Variants in SLC34A3 observed in about 807,000 individuals in gnomAD.
SLC34A3 encodes the protein sodium-dependent phosphate transport protein 2C.
SLC34A3 carries 60 observed loss-of-function variants against 43.9 expected under a neutral mutation model. The ratio of observed to expected loss-of-function variants is 1.37; its 90% CI spans 1.11 to 1.70. The LOEUF (loss-of-function observed/expected upper bound fraction) is 1.70. Ranked by LOEUF, SLC34A3 falls within the 40% of genes most tolerant of loss-of-function variation. The pLI is 0.00. For synonymous variants in SLC34A3, 451 were observed against 386.2 expected, an observed-to-expected ratio of 1.17 and a Z score of -1.97; for missense variants, 969 against 823.8, an observed-to-expected ratio of 1.18 and a Z score of -2.16.
chr9:137,231,936 C>G (rs1836243213), intron 2 of SLC34A3, 136 bp from the exon 3 acceptor site: 1 of 1,122,676 alleles, frequency 8.9e-7, no homozygotes, highest in African/African-American at 1.5e-5. Flanking sequence ...CAGCTGGAGC[C>G]CCATCTTCCC....
chr9:137,233,779 T>TTGGGGGCCCCC, intron 8 of SLC34A3, 57 bp downstream of exon 8: 9 of 1,445,668 alleles, frequency 6.2e-6, no homozygotes, highest in Non-Finnish European at 7.7e-6. Context: ...TGCTGAGTCA[T>TTGGGGGCCCCC]CCCGCCCCAC....
rs1389634351 is a variant in SLC34A3 at position 137,233,939 on chromosome 9, CCT to C, written c.924_925del (p.Cys309ProfsTer283). On this transcript the variant is annotated frameshift_variant and splice_region_variant, in exon 9 of 13. Transcript: ENST00000673835. LOFTEE classifies it high-confidence loss of function. ...AGCACAGCCCCGGCGGACAGGCTGC[CCT>C]GTGAGGCCCGGCCCACCCCAAGCCC... 2 of 1,562,130 alleles carry C rather than the reference CCT, an allele frequency of 1.3e-6. No individual in the cohort carries two copies. Among genetic ancestry groups the C allele is most frequent in the Admixed American group, 1.8e-5 (1 of 55,402 alleles).
chr9:137,234,305 C>T lies in SLC34A3; in HGVS notation c.1093+29C>T. On this transcript the variant is annotated intron_variant, in intron 10 of 12. Transcript: ENST00000673835. This position sits in a 1 kb window ranked among gnomAD's most constrained non-coding sequence, Gnocchi z 6.9. ...AGGGCGTGGGAGGAGGTGCGGTGGC[C>T]AGGGCTGACCCAGCATCCCCCATAG... 1 of 1,607,354 alleles carries T rather than the reference C, an allele frequency of 6.2e-7. No homozygotes were observed.
Position 137,233,942 on chromosome 9 carries a change from G to A in SLC34A3, c.925+1G>A. On this transcript the variant is annotated splice_donor_variant, in intron 9 of 12. Coordinates refer to ENST00000673835, the MANE Select transcript of SLC34A3 (RefSeq NM_001177316.2). LOFTEE classifies it high-confidence loss of function. The stretch of plus-strand genomic sequence containing the variant: ...ACAGCCCCGGCGGACAGGCTGCCCT[G>A]TGAGGCCCGGCCCACCCCAAGCCCC... The A allele has an allele frequency of 6.4e-7, 1 of 1,558,534 alleles. No individual in the cohort carries two copies. Among genetic ancestry groups the A allele is most frequent in the Non-Finnish European group, 8.7e-7 (1 of 1,152,464 alleles).
intron 2 of SLC34A3, 99 bp downstream of exon 2, chr9:137,231,886 G>A (rs1439578148): frequency 1.6e-6 from 2 of 1,217,438 alleles, no homozygotes; most frequent in Non-Finnish European, 2.4e-6. Context: ...GCCTCCCGGG[G>A]AACCCACAGG....
Position 137,236,192 on chromosome 9 carries a change from C to T in SLC34A3, c.1576C>T (p.Leu526Phe), listed in dbSNP as rs1265168066. 16 of 1,599,726 alleles carry T rather than the reference C, an allele frequency of 1.0e-5. 1 individual carries two copies. The highest frequency in any genetic ancestry group is 6.7e-5 in the South Asian group (6 of 90,038). ...CGGGGGTCCCCTGGTGGGGCTGGTG[C>T]TCCTCGTCATCCTGGTTACTGTCCT... ...AVGGPLVGLV[L>F]LVILVTVLQR... The change falls in exon 13 of 13, where the codon CTC becomes TTC. Residue 526 changes from leucine to phenylalanine, a missense_variant. Leu to Phe is a conservative substitution (Grantham distance 22). Transcript: ENST00000673835.
chr9:137,236,101 A>G lies in SLC34A3; in HGVS notation c.1485A>G (p.Gly495=). Residue 495 remains glycine, a synonymous_variant, in exon 13 of 13, where the codon GGA becomes GGG. Transcript: ENST00000673835. ...RWVAGVYLLL[G]FLLLPLAAFG... ...TGGCTGGGGTCTACCTGCTGCTCGGATTCCTGCTGCTGCCCCTGGCGGCCT... is the reference window on the plus strand; with the variant it reads ...TGGCTGGGGTCTACCTGCTGCTCGGGTTCCTGCTGCTGCCCCTGGCGGCCT... 1.9e-6 allele frequency: 3 copies of G among 1,612,000 alleles called. No homozygotes were observed. The highest frequency in any genetic ancestry group is 2.5e-6 in the Non-Finnish European group (3 of 1,179,766).
At chr9:137,230,762 G>A (rs757327297), upstream of SLC34A3, 1 of 152,304 alleles carries the variant, frequency 6.6e-6, no homozygotes, top group African/African-American at 2.4e-5. Flanking sequence ...ACAGGATGGA[G>A]ACAAGGCCTA....
chr9:137,231,590 G>C, intron 1 of SLC34A3, 74 bp from the exon 2 acceptor site: 1 of 933,528 alleles, frequency 1.1e-6, no homozygotes, highest in Non-Finnish European at 1.7e-6. Context: ...GGGACCCAGG[G>C]GTGTGAATCC....
upstream of SLC34A3, among the ~76,000 whole-genome samples, chr9:137,230,321 C>G (rs899323198): frequency 6.6e-6 from 1 of 152,170 alleles, no homozygotes; most frequent in Non-Finnish European, 1.5e-5. Flanking sequence ...ATACCAGGGC[C>G]GAGCCCGCTA....
Position 137,233,329 on chromosome 9 carries a change from C to T in SLC34A3, c.681C>T (p.Ala227=). Residue 227 remains alanine, a synonymous_variant, in exon 7 of 13, where the codon GCC becomes GCT. Coordinates refer to ENST00000673835, the MANE Select transcript of SLC34A3 (RefSeq NM_001177316.2). ...ERLSELALGA[A]SLTPRAQAPD... ...TAAGTGAGCTAGCCCTGGGTGCCGC[C>T]AGCCTGACACCCAGGGCGCAGGCGC... 1.9e-6 allele frequency: 3 copies of T among 1,603,646 alleles called. No individual in the cohort carries two copies. The highest frequency in any genetic ancestry group is 2.6e-6 in the Non-Finnish European group (3 of 1,175,972).
chr9:137,236,430 A>C lies in SLC34A3; in HGVS notation c.*14A>C, dbSNP rs28591989. 625,380 of 1,534,196 alleles carry C rather than the reference A, an allele frequency of 0.41. 129,849 individuals carry two copies. The highest frequency in any genetic ancestry group is 0.43 in the Non-Finnish European group (487,075 of 1,144,992). On this transcript the variant is annotated 3_prime_UTR_variant, in exon 13 of 13. Transcript: ENST00000673835. ...CAGCAGTTGTGACGGGCAGTTGCTG[A>C]GCAGACCGCCCCACCCTCCCCGGCT...
chr9:137,236,120 G>C lies in SLC34A3; in HGVS notation c.1504G>C (p.Ala502Pro). 1 of 1,611,314 alleles carries C rather than the reference G, an allele frequency of 6.2e-7. No homozygotes were observed. The highest frequency in any genetic ancestry group is 8.5e-7 in the Non-Finnish European group (1 of 1,179,562). ...GCTCGGATTCCTGCTGCTGCCCCTGGCGGCCTTCGGGCTCTCCCTGGCAGG... is the reference window on the plus strand; with the variant it reads ...GCTCGGATTCCTGCTGCTGCCCCTGCCGGCCTTCGGGCTCTCCCTGGCAGG... ...LLLGFLLLPL[A>P]AFGLSLAGGM... is the part of the protein sequence containing the mutation. The change falls in exon 13 of 13, where the codon GCG becomes CCG. Residue 502 changes from alanine to proline, a missense_variant. Coordinates refer to ENST00000673835, the MANE Select transcript of SLC34A3 (RefSeq NM_001177316.2).
Position 137,234,534 on chromosome 9 carries a change from T to G in SLC34A3, c.1210+2T>G, listed in dbSNP as rs765502145. On this transcript the variant is annotated splice_donor_variant, in intron 11 of 12. Transcript: ENST00000673835. LOFTEE classifies it high-confidence loss of function. The surrounding 1 kb of genome is among the most constrained non-coding windows in gnomAD (Gnocchi z 6.9). ...CGGCGGCCGTCGTGCCCCTCATGGG[T>G]GAGCAGGCAGGACAGAGGCCTCGGG... 7 of 1,607,092 alleles carry G rather than the reference T, an allele frequency of 4.4e-6. No homozygotes were observed. Among genetic ancestry groups the G allele is most frequent in the Non-Finnish European group, 5.1e-6 (6 of 1,177,862 alleles).
intron 7 of SLC34A3, 70 bp downstream of exon 7, chr9:137,233,474 G>T: frequency 5.7e-6 from 9 of 1,582,206 alleles, no homozygotes; most frequent in Non-Finnish European, 6.9e-6. Flanking sequence ...GGCCCGCCCT[G>T]CCCTGATGGA....
upstream of SLC34A3, among the ~76,000 whole-genome samples, chr9:137,230,319 G>T (rs1661804424): frequency 6.6e-6 from 1 of 152,164 alleles, no homozygotes; most frequent in South Asian, 2.1e-4. Flanking sequence ...CTATACCAGG[G>T]CCGAGCCCGC....
intron 4 of SLC34A3, 27 bp from the exon 5 acceptor site, chr9:137,232,757 T>G (rs778304907): frequency 1.2e-5 from 20 of 1,612,856 alleles, no homozygotes; most frequent in Non-Finnish European, 1.7e-5. Context: ...CCTCCGCAGC[T>G]TCAGCGCACC....
In SLC34A3 at chr9:137,234,112, G is replaced by A. The variant is rs200477567; in HGVS notation, c.929G>A (p.Arg310His). The change falls in exon 10 of 13, where the codon CGC (arginine) becomes CAC (histidine). Residue 310 changes from arginine to histidine, a missense_variant. Arg to His is a conservative substitution (Grantham distance 29). Coordinates refer to ENST00000673835, the MANE Select transcript of SLC34A3 (RefSeq NM_001177316.2). This position sits in a 1 kb window ranked among gnomAD's most constrained non-coding sequence, Gnocchi z 6.9. ...CCTGCCCCTGCCCTGCCCCCAGGCC[G>A]CCACCTGTTTGCGGGCACGGAGCTC... Reference protein sequence around the residue: ...STAPADRLPCRHLFAGTELTD... With the variant: ...STAPADRLPCHHLFAGTELTD... 1,167 of 1,383,516 alleles carry A rather than the reference G, an allele frequency of 8.4e-4. 12 individuals are homozygous for A. Among genetic ancestry groups the A allele is most frequent in the South Asian group, 7.6e-3 (646 of 85,104 alleles). 85.7% of individuals were successfully genotyped at this position (1,383,516 alleles called of 1,614,324 possible).
chr9:137,236,323 C>T lies in SLC34A3; in HGVS notation c.1707C>T (p.Cys569=). 3 of 1,542,540 alleles carry T rather than the reference C, an allele frequency of 1.9e-6. No individual in the cohort carries two copies. Among genetic ancestry groups the T allele is most frequent in the South Asian group, 1.2e-5 (1 of 84,076 alleles). The part of the protein sequence containing the change: ...LEPWDRLVTR[C]CPCNVCSPPK... ...CCTGGGACCGCCTGGTGACCCGCTG[C>T]TGCCCCTGCAACGTCTGCAGCCCCC... The change falls in exon 13 of 13, where the codon TGC becomes TGT. Residue 569 remains cysteine, a synonymous_variant. Coordinates refer to ENST00000673835, the MANE Select transcript of SLC34A3 (RefSeq NM_001177316.2).
Sources: gnomAD v4.1 joint callset for allele counts (sites outside exome capture counted in the v4.1 genomes callset) on GRCh38, gnomAD v4.1.1 for gene constraint, Gnocchi (gnomAD v3.1) non-coding constraint, MANE v1.5 for transcripts, NCBI Gene and HGNC (gene_info 2026-07-23, HGNC 2026-07-21) for gene names.